The following CWH43 variants were observed in gnomAD, a reference collection of about 807,000 sequenced individuals.
The protein encoded by CWH43 is PGAP2-interacting protein.
A neutral mutation model predicts 85.7 loss-of-function variants in CWH43; 91 were observed. The ratio of observed to expected loss-of-function variants is 1.06; its 90% CI spans 0.90 to 1.26. The LOEUF (loss-of-function observed/expected upper bound fraction) is 1.26. Among genes scored for constraint, CWH43 ranks in the 50% most tolerant of loss-of-function variants. The pLI, the probability that CWH43 is intolerant of heterozygous loss-of-function variation, is 0.00. For synonymous variants in CWH43, 323 were observed against 293.6 expected (o/e 1.10, Z -1.02); for missense variants, 869 against 839.2 (o/e 1.04, Z -0.44).
At chr4:49,021,776 G>C (rs1783757679) in intron 9 of CWH43, among the ~76,000 whole-genome samples, 1 of 152,046 alleles carries the variant, frequency 6.6e-6, no homozygotes, top group Admixed American at 6.5e-5. Flanking sequence ...CCTTGGTTAA[G>C]TATATTCCTA....
In CWH43 at chr4:48,988,668, G is replaced by T; in HGVS notation, c.235G>T (p.Gly79Cys). The T allele has an allele frequency of 1.3e-6, 2 of 1,580,974 alleles. No individual in the cohort carries two copies. The highest frequency in any genetic ancestry group is 1.9e-5 in the Admixed American group (1 of 53,688). ...MLTLLRIITI[G>C]SIASFQAPNA... The stretch of plus-strand genomic sequence containing the variant: ...AACCCTGCTGAGGATAATCACTATT[G>T]GTAAGATTTAAAAGAGTTTCTTTAA... Residue 79 changes from glycine to cysteine, a missense_variant and splice_region_variant, in exon 2 of 16, where the codon GGC becomes TGC. This residue lies in a region of CWH43 where 140 missense variants were observed against 122.6 expected (regional missense o/e 1.14). Coordinates refer to ENST00000226432, the MANE Select transcript of CWH43 (RefSeq NM_025087.3).
At chr4:49,040,421 T>G (rs1166546960) in intron 13 of CWH43, among the ~76,000 whole-genome samples, 1 of 152,202 alleles carries the variant, frequency 6.6e-6, no homozygotes, top group Non-Finnish European at 1.5e-5. Flanking sequence ...TTTCCTGACT[T>G]TTTAATGATA....
At chr4:49,026,545 C>T (rs1783922904) in intron 9 of CWH43, among the ~76,000 whole-genome samples, 1 of 151,544 alleles carries the variant, frequency 6.6e-6, no homozygotes, top group African/African-American at 2.4e-5. Flanking sequence ...CCCCCTCCCA[C>T]CCATCCCTCC....
At chr4:49,010,396 A>G (rs1783316616) in intron 8 of CWH43, among the ~76,000 whole-genome samples, 1 of 152,018 alleles carries the variant, frequency 6.6e-6, no homozygotes, top group Admixed American at 6.6e-5. Flanking sequence ...CTAGTGATCT[A>G]TCAATTTTGT....
intron 10 of CWH43, 69 bp downstream of exon 10, chr4:49,028,803 C>A: frequency 9.9e-7 from 1 of 1,013,934 alleles, no homozygotes; most frequent in Non-Finnish European, 1.5e-6. Context: ...TCAGCAGGGT[C>A]ATAAGCCATA....
chr4:49,059,611 G>A (rs1265769969), intron 15 of CWH43, among the ~76,000 whole-genome samples: 46 of 152,166 alleles, frequency 3.0e-4, no homozygotes, highest in Admixed American at 3.0e-3. Context: ...GCCTTTACCA[G>A]TTGGCTGGTC....
chr4:49,002,763 G>A (rs1288701516), intron 6 of CWH43, among the ~76,000 whole-genome samples: 2 of 152,100 alleles, frequency 1.3e-5, no homozygotes, highest in East Asian at 3.9e-4. Context: ...GGAGAAATAG[G>A]CAGTCAGGCA....
In CWH43 at chr4:48,992,577, C is replaced by G. The variant is rs1033122796; in HGVS notation, c.511+487C>G. On this transcript the variant is annotated intron_variant, in intron 4 of 15. Transcript: ENST00000226432. The surrounding 1 kb of genome is among the most constrained non-coding windows in gnomAD (Gnocchi z 4.3). ...TCTAAGAATTGAAAAGATAAGAAACCTTGCATATGCATACTGACTTTCCAA... is the reference window on the plus strand; with the variant it reads ...TCTAAGAATTGAAAAGATAAGAAACGTTGCATATGCATACTGACTTTCCAA... Among the ~76,000 whole-genome samples, 1 of 152,164 alleles carries G rather than the reference C, an allele frequency of 6.6e-6. No individual in the cohort carries two copies. The highest frequency in any genetic ancestry group is 6.5e-5 in the Admixed American group (1 of 15,270).
chr4:49,044,724 G>A (rs569531047), intron 13 of CWH43, 62 bp from the exon 14 acceptor site: 3 of 1,297,046 alleles, frequency 2.3e-6, no homozygotes, highest in Non-Finnish European at 3.3e-6. Context: ...ACATTTTTTG[G>A]CAATGTGGAA....
At chr4:49,024,222 G>A (rs1405209429) in intron 9 of CWH43, among the ~76,000 whole-genome samples, 3 of 152,124 alleles carry the variant, frequency 2.0e-5, no homozygotes, top group Non-Finnish European at 4.4e-5. Flanking sequence ...TTTACCTTAA[G>A]TTTAGGTGAG....
chr4:48,990,916 G>A (rs923296506), intron 2 of CWH43, among the ~76,000 whole-genome samples: 6 of 152,124 alleles, frequency 3.9e-5, no homozygotes, highest in African/African-American at 1.4e-4. Context: ...ACAAAATGTG[G>A]TATATACATG....
intron 8 of CWH43, among the ~76,000 whole-genome samples, chr4:49,015,549 A>G (rs1783519275): frequency 6.6e-6 from 1 of 152,128 alleles, no homozygotes; most frequent in African/African-American, 2.4e-5. Context: ...CTTGCTTGAT[A>G]GTCTTCAGGC....
chr4:49,059,720 G>T (rs925948155), intron 15 of CWH43, among the ~76,000 whole-genome samples: 31 of 152,156 alleles, frequency 2.0e-4, no homozygotes, highest in African/African-American at 7.0e-4. Context: ...AAGTGGATAG[G>T]CTTTGTGCCT....
intron 8 of CWH43, among the ~76,000 whole-genome samples, chr4:49,013,012 C>A (rs1217873038): frequency 6.6e-6 from 1 of 152,244 alleles, no homozygotes; most frequent in Admixed American, 6.5e-5. Flanking sequence ...GGGAGAACCA[C>A]TGCTCTCTTC....
At chr4:49,033,639 C>T (rs987097415) in intron 12 of CWH43, among the ~76,000 whole-genome samples, 4 of 152,140 alleles carry the variant, frequency 2.6e-5, no homozygotes, top group East Asian at 1.9e-4. Flanking sequence ...TCCCTCTACA[C>T]GCAACATGAA....
intron 14 of CWH43, among the ~76,000 whole-genome samples, chr4:49,047,475 G>T (rs2109834685): frequency 6.6e-6 from 1 of 152,262 alleles, no homozygotes; most frequent in Middle Eastern, 3.4e-3. Context: ...CCAGAATATG[G>T]AGGTGGGGTG....
intron 15 of CWH43, among the ~76,000 whole-genome samples, chr4:49,058,913 T>G (rs1340565599): frequency 2.0e-5 from 3 of 152,220 alleles, no homozygotes; most frequent in Non-Finnish European, 2.9e-5. Context: ...CTTTGATTTT[T>G]GAAAATTTGA....
At chr4:49,005,355 C>T in intron 7 of CWH43, among the ~76,000 whole-genome samples, 1 of 152,102 alleles carries the variant, frequency 6.6e-6, no homozygotes, top group Non-Finnish European at 1.5e-5. Context: ...TGCCCCCTTT[C>T]CCACCCTCTC....
chr4:49,051,213 G>T (rs1784786423), intron 15 of CWH43, among the ~76,000 whole-genome samples: 1 of 152,122 alleles, frequency 6.6e-6, no homozygotes, highest in South Asian at 2.1e-4. Context: ...ATCCTTATTG[G>T]TTGGTCCTCT....
Sources: allele counts gnomAD v4.1 joint callset (sites outside exome capture counted in the v4.1 genomes callset), GRCh38; gene constraint gnomAD v4.1.1; regional missense constraint gnomAD v4.1.1; non-coding constraint Gnocchi (gnomAD v3.1); transcripts MANE v1.5; gene names NCBI Gene and HGNC (gene_info 2026-07-23, HGNC 2026-07-21).